GDAP1: variants seen among roughly 807,000 people sequenced by gnomAD.
GDAP1 encodes ganglioside induced differentiation associated protein 1, also known as ganglioside-induced differentiation-associated protein 1.
A neutral mutation model predicts 40.1 loss-of-function variants in GDAP1; 34 were observed. The ratio of observed to expected loss-of-function variants is 0.85; its 90% CI spans 0.64 to 1.13. The LOEUF (loss-of-function observed/expected upper bound fraction) is 1.13. GDAP1 is among the 50% of genes most tolerant of loss of function. The pLI, the probability that GDAP1 is intolerant of heterozygous loss-of-function variation, is 0.00. For missense variants in GDAP1, 374 were observed against 433.7 expected (o/e 0.86, Z 1.22); for synonymous variants, 170 against 157.4 (o/e 1.08, Z -0.60).
chr8:74,423,265 ATAT>A (rs1251054174), intron 2 of GDAP1, among the ~76,000 whole-genome samples: 8 of 147,262 alleles, frequency 5.4e-5, no homozygotes, highest in African/African-American at 1.2e-4. Flanking sequence ...AGTATATGTG[ATAT>A]TATACTATAT....
chr8:74,350,680 C>T, intron 1 of GDAP1, 102 bp downstream of exon 1: 1 of 842,140 alleles, frequency 1.2e-6, no homozygotes, highest in South Asian at 1.3e-5. Flanking sequence ...CCTAGAAATC[C>T]GCCTCCAGTG....
chr8:74,481,547 A>G (rs1261974013), intron 2 of GDAP1, among the ~76,000 whole-genome samples: 2 of 152,178 alleles, frequency 1.3e-5, no homozygotes, highest in Non-Finnish European at 2.9e-5. Context: ...ACCTTCTTCT[A>G]TCTCACTTCT....
At chr8:74,463,317 A>G (rs907242712) in intron 2 of GDAP1, among the ~76,000 whole-genome samples, 4 of 149,488 alleles carry the variant, frequency 2.7e-5, no homozygotes, top group Non-Finnish European at 5.9e-5. Flanking sequence ...AATTAGCGGG[A>G]TGTGGTATTG....
intron 2 of GDAP1, among the ~76,000 whole-genome samples, chr8:74,359,198 G>T (rs1374361501): frequency 1.3e-5 from 2 of 152,198 alleles, no homozygotes; most frequent in African/African-American, 2.4e-5. Context: ...ATTAGCTGTG[G>T]GATCTTGGGA....
intron 2 of GDAP1, among the ~76,000 whole-genome samples, chr8:74,448,869 T>C (rs1330719443): frequency 6.6e-6 from 1 of 152,104 alleles, no homozygotes; most frequent in Non-Finnish European, 1.5e-5. Flanking sequence ...TATTTAATTA[T>C]GGCTTTTGAT....
intron 2 of GDAP1, among the ~76,000 whole-genome samples, chr8:74,392,229 T>G (rs780449424): frequency 4.6e-5 from 7 of 152,226 alleles, no homozygotes; most frequent in Non-Finnish European, 7.3e-5. Flanking sequence ...AACCTTACTC[T>G]AACAATAAAG....
At chr8:74,362,570 T>C (rs1031724201) in intron 4 of GDAP1, among the ~76,000 whole-genome samples, 1 of 152,188 alleles carries the variant, frequency 6.6e-6, no homozygotes, top group Non-Finnish European at 1.5e-5. Context: ...TCACTCGGAC[T>C]TCTTACTCAT....
chr8:74,444,211 C>CAAAT (rs1806202359), intron 2 of GDAP1, among the ~76,000 whole-genome samples: 1 of 982 alleles, frequency 1.0e-3, no homozygotes, highest in Non-Finnish European at 2.5e-3. Flanking sequence ...CACACACACG[C>CAAAT]GCGCACACAC....
chr8:74,376,026 AG>A (rs1563451048), intron 2 of GDAP1, among the ~76,000 whole-genome samples: 1 of 152,244 alleles, frequency 6.6e-6, no homozygotes, highest in Non-Finnish European at 1.5e-5. Flanking sequence ...ACACCAAAAA[AG>A]GTAAAACACT....
chr8:74,396,916 C>T (rs1810209968), intron 2 of GDAP1, among the ~76,000 whole-genome samples: 1 of 152,176 alleles, frequency 6.6e-6, no homozygotes, highest in Non-Finnish European at 1.5e-5. Context: ...TTCTAGATCC[C>T]TGAGGAATCG....
intron 2 of GDAP1, among the ~76,000 whole-genome samples, chr8:74,430,381 A>G (rs948899681): frequency 6.6e-6 from 1 of 152,176 alleles, no homozygotes; most frequent in African/African-American, 2.4e-5. Context: ...ACTAGAACCA[A>G]CTCCAAATTC....
At chr8:74,372,692 A>G (rs1328479302) in intron 2 of GDAP1, among the ~76,000 whole-genome samples, 1 of 152,156 alleles carries the variant, frequency 6.6e-6, no homozygotes, top group African/African-American at 2.4e-5. Flanking sequence ...GTAGATTGCA[A>G]AAATTTTCTC....
At position 74,416,807 on chromosome 8, in the gene GDAP1, G is replaced by C. The variant is rs541017072; in HGVS notation, c.165+65486G>C. Among the ~76,000 whole-genome samples, 29 of 150,068 alleles carry C rather than the reference G, an allele frequency of 1.9e-4. No individual in the cohort carries two copies. In the South Asian group the frequency reaches 6.0e-3, roughly 31 times the overall value. On this transcript the variant is annotated intron_variant, in intron 2 of 2. Coordinates refer to the GDAP1 transcript ENST00000523640. The stretch of plus-strand genomic sequence containing the variant: ...CACCTTCAGGGACTCCTGCTCCTAG[G>C]GGGAAGGGGAGTGCACTGCATCAAA...
At chr8:74,456,350 G>T (rs1357389704) in intron 2 of GDAP1, among the ~76,000 whole-genome samples, 2 of 151,880 alleles carry the variant, frequency 1.3e-5, no homozygotes, top group African/African-American at 4.8e-5. Flanking sequence ...TATTAAGTTA[G>T]CCCAATTTCT....
At chr8:74,487,842 A>C (rs1027971143) in intron 2 of GDAP1, among the ~76,000 whole-genome samples, 1 of 152,174 alleles carries the variant, frequency 6.6e-6, no homozygotes, top group African/African-American at 2.4e-5. Context: ...CATCAGCTGA[A>C]GGATATGGAC....
chr8:74,484,100 A>G (rs1322949458), intron 2 of GDAP1, among the ~76,000 whole-genome samples: 1 of 152,226 alleles, frequency 6.6e-6, no homozygotes, highest in African/African-American at 2.4e-5. Flanking sequence ...ATGTTCATTT[A>G]AAATACTAAT....
At chr8:74,381,617 G>A (rs191146330) in intron 2 of GDAP1, among the ~76,000 whole-genome samples, 14 of 151,870 alleles carry the variant, frequency 9.2e-5, no homozygotes, top group African/African-American at 2.2e-4. Context: ...TTAGTTGGAC[G>A]TGGTGGCAGG....
intron 2 of GDAP1, among the ~76,000 whole-genome samples, chr8:74,372,920 A>T (rs1809779820): frequency 6.6e-6 from 1 of 152,160 alleles, no homozygotes; most frequent in South Asian, 2.1e-4. Context: ...TAAGTCTTTA[A>T]TCCATCTTGA....
intron 2 of GDAP1, among the ~76,000 whole-genome samples, chr8:74,424,831 C>T (rs1266805897): frequency 6.6e-6 from 1 of 152,066 alleles, no homozygotes; most frequent in African/African-American, 2.4e-5. Context: ...TTATATTGAT[C>T]AACATCTATT....
Sources: allele counts gnomAD v4.1 joint callset (sites outside exome capture counted in the v4.1 genomes callset), GRCh38; gene constraint gnomAD v4.1.1; transcripts MANE v1.5; gene names NCBI Gene and HGNC (gene_info 2026-07-23, HGNC 2026-07-21).